The following ARHGAP10 variants were observed in gnomAD, a reference collection of about 807,000 sequenced individuals.
The protein encoded by ARHGAP10 is rho GTPase-activating protein 10.
ARHGAP10 carries 87 observed loss-of-function variants against 108.6 expected under a neutral mutation model. The ratio of observed to expected loss-of-function variants is 0.80; its 90% CI spans 0.67 to 0.96. The LOEUF is 0.96. Among genes scored for constraint, ARHGAP10 ranks in the 40% least tolerant of loss-of-function variants. The pLI, the probability that ARHGAP10 is intolerant of heterozygous loss-of-function variation, is 0.00. For missense variants in ARHGAP10, 939 were observed against 954.5 expected (o/e 0.98, Z 0.21); for synonymous variants, 347 against 341.1 (o/e 1.02, Z -0.19).
chr4:147,919,612 G>T (rs936842282), intron 13 of ARHGAP10, among the ~76,000 whole-genome samples: 31 of 150,778 alleles, frequency 2.1e-4, no homozygotes, highest in African/African-American at 7.4e-4. Context: ...CCTCTCTGTT[G>T]CCCAGACTAG....
chr4:147,866,779 A>G lies in ARHGAP10; in HGVS notation c.665A>G (p.Asn222Ser), dbSNP rs145720035. 2.4e-4 allele frequency: 385 copies of G among 1,613,776 alleles called. 2 individuals are homozygous for G. The Middle Eastern group carries it at 6.1e-3, about 26-fold the overall frequency. The change falls in exon 7 of 23, where the codon AAT (asparagine) becomes AGT (serine). Residue 222 changes from asparagine to serine, a missense_variant. Asn to Ser is a conservative substitution (Grantham distance 46). Coordinates refer to ENST00000336498, the MANE Select transcript of ARHGAP10 (RefSeq NM_024605.4). ...HQGHELAKDF[N>S]HYKMELQINI... Reference sequence around the variant, plus strand: ...GGCCATGAACTTGCCAAAGACTTCAATCACTACAAAATGGAACTACAGATC... The same window carrying G: ...GGCCATGAACTTGCCAAAGACTTCAGTCACTACAAAATGGAACTACAGATC...
intron 1 of ARHGAP10, among the ~76,000 whole-genome samples, chr4:147,761,367 G>A (rs537877175): frequency 6.9e-4 from 105 of 152,172 alleles, no homozygotes; most frequent in African/African-American, 2.4e-3. Context: ...ATCTTTTCTA[G>A]GTTTTTCTCC....
chr4:148,006,575 C>T (rs1299404466), intron 18 of ARHGAP10, among the ~76,000 whole-genome samples: 3 of 152,166 alleles, frequency 2.0e-5, no homozygotes, highest in Non-Finnish European at 4.4e-5. Flanking sequence ...GAAGCTATGT[C>T]CCACAGTTTC....
At position 148,071,242 on chromosome 4, in the gene ARHGAP10, G is replaced by A. The variant is rs562485406; in HGVS notation, c.2273-751G>A. 5.9e-5 allele frequency among the ~76,000 whole-genome samples: 9 copies of A among 152,362 alleles called. No individual in the cohort carries two copies. In the South Asian group the frequency reaches 1.9e-3, roughly 32 times the overall value. ...ATTCACTGCAGTTGACATGCATGAT[G>A]TGCCAGTGGAGTGTGAAGAGCTCCT... On this transcript the variant is annotated intron_variant, in intron 22 of 22. Coordinates refer to ENST00000336498, the MANE Select transcript of ARHGAP10 (RefSeq NM_024605.4).
At chr4:147,900,096 A>G (rs746351864) in intron 10 of ARHGAP10, among the ~76,000 whole-genome samples, 81 of 152,290 alleles carry the variant, frequency 5.3e-4, no homozygotes, top group Middle Eastern at 3.4e-3. Flanking sequence ...TTAAAACACA[A>G]GGGTAAAGCC....
chr4:148,000,795 T>C (rs1388346628), intron 18 of ARHGAP10, among the ~76,000 whole-genome samples: 1 of 152,200 alleles, frequency 6.6e-6, no homozygotes, highest in Non-Finnish European at 1.5e-5. Flanking sequence ...TCTTGTAAAT[T>C]TGTTTGAGTT....
At chr4:147,984,409 C>T (rs1470078722) in intron 18 of ARHGAP10, among the ~76,000 whole-genome samples, 1 of 152,240 alleles carries the variant, frequency 6.6e-6, no homozygotes, top group African/African-American at 2.4e-5. Context: ...GACCCTCTCT[C>T]CATGTTCGTT....
At chr4:148,046,854 G>C in intron 19 of ARHGAP10, 38 bp from the exon 20 acceptor site, 1 of 1,583,074 alleles carries the variant, frequency 6.3e-7, no homozygotes. Flanking sequence ...TTCTTCTCCA[G>C]GTATTTGTTT....
rs116789287 is a variant in ARHGAP10, at chr4:148,042,274, T to C, written c.1868-4618T>C. ...ACTGAGTTCTAATGACTGTCATAAC[T>C]GAATATCTTTTGAAGCTGTTCTCCA... On this transcript the variant is annotated intron_variant, in intron 19 of 22. Coordinates refer to ENST00000336498, the MANE Select transcript of ARHGAP10 (RefSeq NM_024605.4). 3.9e-3 allele frequency among the ~76,000 whole-genome samples: 591 copies of C among 152,370 alleles called. 6 individuals carry two copies. The highest frequency in any genetic ancestry group is 0.013 in the African/African-American group (554 of 41,594).
In ARHGAP10 at chr4:147,732,208, C is replaced by T. The variant is rs1474966295; in HGVS notation, c.-94C>T. The T allele has an allele frequency of 6.0e-6, 8 of 1,328,734 alleles. No homozygotes were observed. Among genetic ancestry groups the T allele is most frequent in the East Asian group, 6.1e-5 (2 of 32,786 alleles). The allele number at this position is 1,328,734 out of a possible 1,614,324, so 82.3% of individuals were successfully genotyped here. On this transcript the variant is annotated 5_prime_UTR_variant, in exon 1 of 23. Coordinates refer to ENST00000336498, the MANE Select transcript of ARHGAP10 (RefSeq NM_024605.4). ...CGGGCCTGCTAGCTCCTCTGTGCTC[C>T]CTGAACGCGCGGCGCCGCACCTGGC...
chr4:147,833,383 C>G (rs1451490457), intron 3 of ARHGAP10, among the ~76,000 whole-genome samples: 3 of 152,146 alleles, frequency 2.0e-5, no homozygotes, highest in Non-Finnish European at 4.4e-5. Flanking sequence ...TAAGACGTGC[C>G]CTTCTTTCCC....
intron 18 of ARHGAP10, among the ~76,000 whole-genome samples, chr4:147,981,596 C>T (rs1739808691): frequency 6.6e-6 from 1 of 152,128 alleles, no homozygotes; most frequent in Non-Finnish European, 1.5e-5. Flanking sequence ...AATTTAAGTT[C>T]AGAATTTCTT....
At chr4:147,750,620 G>C (rs1021225959) in intron 1 of ARHGAP10, among the ~76,000 whole-genome samples, 5 of 150,956 alleles carry the variant, frequency 3.3e-5, no homozygotes, top group African/African-American at 1.2e-4. Context: ...TTTTTGGGGG[G>C]GGTTGTAATC....
In ARHGAP10 at chr4:147,760,609, G is replaced by C. The variant is rs187459744; in HGVS notation, c.154+28154G>C. Among the ~76,000 whole-genome samples, 3 of 152,338 alleles carry C rather than the reference G, an allele frequency of 2.0e-5. No individual in the cohort carries two copies. The East Asian group carries it at 5.8e-4, about 29-fold the overall frequency. On this transcript the variant is annotated intron_variant, in intron 1 of 22. Transcript: ENST00000336498. ...CCTGGTGTTCTGATGGACTTACTCTGTTGGACATACACAGAGATTCCTTGT... is the reference window on the plus strand; with the variant it reads ...CCTGGTGTTCTGATGGACTTACTCTCTTGGACATACACAGAGATTCCTTGT...
chr4:148,060,660 G>T (rs902376216), intron 20 of ARHGAP10, among the ~76,000 whole-genome samples: 1 of 152,084 alleles, frequency 6.6e-6, no homozygotes, highest in South Asian at 2.1e-4. Context: ...AGCCTTGCAC[G>T]TTGCCCCGTC....
At chr4:147,897,741 A>G (rs1736054390) in intron 10 of ARHGAP10, among the ~76,000 whole-genome samples, 2 of 152,226 alleles carry the variant, frequency 1.3e-5, no homozygotes, top group South Asian at 4.1e-4. Context: ...GTTATGAAGT[A>G]ATTATACATG....
At chr4:147,891,964 A>C (rs1269680249) in intron 10 of ARHGAP10, among the ~76,000 whole-genome samples, 2 of 151,420 alleles carry the variant, frequency 1.3e-5, no homozygotes, top group African/African-American at 4.9e-5. Context: ...TGACCCCCCC[A>C]CACATTTGCT....
At chr4:147,859,148 T>A (rs951276806) in intron 5 of ARHGAP10, among the ~76,000 whole-genome samples, 1 of 152,220 alleles carries the variant, frequency 6.6e-6, no homozygotes, top group African/African-American at 2.4e-5. Context: ...CAGGGATCCA[T>A]GTGTCTCAAA....
At chr4:148,058,531 C>T (rs1025285699) in intron 20 of ARHGAP10, among the ~76,000 whole-genome samples, 4 of 152,180 alleles carry the variant, frequency 2.6e-5, no homozygotes, top group Admixed American at 6.5e-5. Flanking sequence ...TTGTTAGATG[C>T]AGGAGTTCTC....
Sources: allele counts gnomAD v4.1 joint callset (sites outside exome capture counted in the v4.1 genomes callset), GRCh38; gene constraint gnomAD v4.1.1; transcripts MANE v1.5; gene names NCBI Gene and HGNC (gene_info 2026-07-23, HGNC 2026-07-21).